The following NUAK1 variants were observed in gnomAD, a reference collection of about 807,000 sequenced individuals.
NUAK1 encodes the protein NUAK family SNF1-like kinase 1.
Under a neutral mutation model 56.9 loss-of-function variants are expected in NUAK1, and 26 were observed. The ratio of observed to expected loss-of-function variants is 0.46; its 90% CI spans 0.33 to 0.63. The LOEUF (loss-of-function observed/expected upper bound fraction) is 0.63. NUAK1 is among the 30% of genes least tolerant of loss of function. NUAK1 has a pLI of 0.02. For synonymous variants in NUAK1, 337 were observed against 336.0 expected, an observed-to-expected ratio of 1.00 and a Z score of -0.03; for missense variants, 727 against 876.1, an observed-to-expected ratio of 0.83 and a Z score of 2.15.
intron 4 of NUAK1, 57 bp from the exon 5 acceptor site, chr12:106,072,900 T>C (rs1323244484): frequency 3.1e-6 from 5 of 1,603,492 alleles, no homozygotes; most frequent in Non-Finnish European, 4.3e-6. Flanking sequence ...TATGTCTGTG[T>C]TGGATCAGTT....
chr12:106,070,378 G>A (rs1395075882), intron 6 of NUAK1, among the ~76,000 whole-genome samples: 1 of 152,254 alleles, frequency 6.6e-6, no homozygotes, highest in Non-Finnish European at 1.5e-5. Flanking sequence ...TGGCACAGTA[G>A]TGAGAGACAG....
At chr12:106,093,243 C>T (rs1022087567) in intron 2 of NUAK1, among the ~76,000 whole-genome samples, 1 of 152,242 alleles carries the variant, frequency 6.6e-6, no homozygotes, top group Non-Finnish European at 1.5e-5. Context: ...ATTGTTTCAA[C>T]ATATCCTAAA....
chr12:106,083,966 C>A (rs755603543), intron 3 of NUAK1, 37 bp from the exon 4 acceptor site: 22 of 1,559,476 alleles, frequency 1.4e-5, no homozygotes, highest in Non-Finnish European at 1.7e-5. Flanking sequence ...TGAATGGGAG[C>A]GGCTGGGATG....
chr12:106,104,363 GC>G (rs1373031842), intron 2 of NUAK1: 1 of 152,348 alleles, frequency 6.6e-6, no homozygotes, highest in Non-Finnish European at 1.5e-5. Context: ...ATCATGTCCA[GC>G]CTGTATTGCT....
At chr12:106,109,303 C>T (rs1296740906) in intron 1 of NUAK1, among the ~76,000 whole-genome samples, 3 of 152,216 alleles carry the variant, frequency 2.0e-5, no homozygotes, top group African/African-American at 7.2e-5. Flanking sequence ...GTGCTGAATG[C>T]TTTACATGCC....
chr12:106,076,222 G>C (rs2032463709), intron 4 of NUAK1, among the ~76,000 whole-genome samples: 1 of 152,218 alleles, frequency 6.6e-6, no homozygotes, highest in Non-Finnish European at 1.5e-5. Context: ...CGCTCTAAAA[G>C]TGAAGCAGCT....
intron 1 of NUAK1, among the ~76,000 whole-genome samples, chr12:106,108,654 C>T (rs2032829105): frequency 6.6e-6 from 1 of 152,178 alleles, no homozygotes; most frequent in African/African-American, 2.4e-5. Context: ...CTCCTACATT[C>T]CTCCATAAAC....
chr12:106,090,132 T>C (rs1032740568), intron 2 of NUAK1, among the ~76,000 whole-genome samples: 6 of 152,220 alleles, frequency 3.9e-5, no homozygotes, highest in African/African-American at 1.2e-4. Context: ...TGGGAAACAC[T>C]GGATGAATGA....
intron 2 of NUAK1, among the ~76,000 whole-genome samples, chr12:106,098,624 A>G (rs1477422369): frequency 6.6e-6 from 1 of 152,206 alleles, no homozygotes; most frequent in Non-Finnish European, 1.5e-5. Context: ...AGATTTCCAG[A>G]AACCAAAACC....
At chr12:106,087,040 G>A (rs545194261) in intron 2 of NUAK1, 155 bp from the exon 3 acceptor site, 35 of 882,248 alleles carry the variant, frequency 4.0e-5, no homozygotes, top group South Asian at 5.5e-5. Flanking sequence ...ATCACGAGGC[G>A]TGGGGCGTGC....
intron 2 of NUAK1, chr12:106,105,796 G>A (rs1183145666): frequency 6.6e-6 from 1 of 152,114 alleles, no homozygotes. Context: ...TAGTCTGTGG[G>A]CGGTTTATTC....
intron 2 of NUAK1, among the ~76,000 whole-genome samples, chr12:106,087,408 C>A (rs2032584869): frequency 6.6e-6 from 1 of 152,192 alleles, no homozygotes; most frequent in African/African-American, 2.4e-5. Flanking sequence ...GGGCCCCTCT[C>A]AGCCCTACTA....
intron 2 of NUAK1, among the ~76,000 whole-genome samples, chr12:106,092,701 T>G (rs958422): frequency 0.46 from 69,384 of 151,948 alleles, 15,773 homozygotes; most frequent in African/African-American, 0.52. Flanking sequence ...AGGGTTGTTA[T>G]GAATAGTATT....
intron 6 of NUAK1, among the ~76,000 whole-genome samples, chr12:106,070,039 C>T (rs2032388850): frequency 6.6e-6 from 1 of 152,146 alleles, no homozygotes; most frequent in Non-Finnish European, 1.5e-5. Flanking sequence ...CAGAGCGAGA[C>T]ACTCTCTCAA....
chr12:106,112,305 C>T (rs1428153812), intron 1 of NUAK1, among the ~76,000 whole-genome samples: 2 of 151,842 alleles, frequency 1.3e-5, no homozygotes, highest in Non-Finnish European at 2.9e-5. Flanking sequence ...CTCAGGGGAT[C>T]TCTCCTTACC....
rs1038340199 is a variant in NUAK1 at position 106,067,454 on chromosome 12, G to A, written c.1334C>T (p.Ser445Leu). Residue 445 changes from serine (S) to leucine (L), a missense_variant, in exon 7 of 7, where the codon TCA becomes TTA. Ser to Leu is a moderately radical substitution (Grantham distance 145). Coordinates refer to ENST00000261402, the MANE Select transcript of NUAK1 (RefSeq NM_014840.3). This position sits in a 1 kb window ranked among gnomAD's most constrained non-coding sequence, Gnocchi z 6.0. Reference protein sequence around the residue: ...LCRTGVLLPSSPEAEVPGKLS... With the variant: ...LCRTGVLLPSLPEAEVPGKLS... The stretch of plus-strand genomic sequence containing the variant: ...TTTTCCCGGCACCTCTGCCTCTGGT[G>A]AGCTTGGGAGGAGCACGCCAGTCCT... 5 of 1,614,080 alleles carry A rather than the reference G, an allele frequency of 3.1e-6. No individual in the cohort carries two copies. The highest frequency in any genetic ancestry group is 1.7e-6 in the Non-Finnish European group (2 of 1,180,054).
intron 2 of NUAK1, among the ~76,000 whole-genome samples, chr12:106,100,825 G>A (rs2032740107): frequency 6.6e-6 from 1 of 152,178 alleles, no homozygotes; most frequent in Non-Finnish European, 1.5e-5. Flanking sequence ...TTTTGTTGAT[G>A]TTGTTGTTGT....
At position 106,070,910 on chromosome 12, in the gene NUAK1, G is replaced by A. The variant is rs775324246; in HGVS notation, c.700-4C>T. The A allele has an allele frequency of 9.9e-6, 16 of 1,613,934 alleles. No homozygotes were observed. The highest frequency in any genetic ancestry group is 8.8e-5 in the South Asian group (8 of 91,074). On this transcript the variant is annotated splice_polypyrimidine_tract_variant and splice_region_variant and intron_variant, in intron 5 of 6. Coordinates refer to ENST00000261402, the MANE Select transcript of NUAK1 (RefSeq NM_014840.3). ...CACCCAGGGCCCAGCTGTCCACCTG[G>A]AGCAGAGAGACAGCACATATAGGAG...
At chr12:106,086,970 G>A (rs2032578488) in intron 2 of NUAK1, 85 bp from the exon 3 acceptor site, 12 of 1,515,640 alleles carry the variant, frequency 7.9e-6, no homozygotes, top group East Asian at 2.3e-5. Flanking sequence ...AGAGGACAAC[G>A]GAGATGTCGC....
Sources: gnomAD v4.1 joint callset for allele counts (sites outside exome capture counted in the v4.1 genomes callset) on GRCh38, gnomAD v4.1.1 for gene constraint, Gnocchi (gnomAD v3.1) non-coding constraint, MANE v1.5 for transcripts, NCBI Gene and HGNC (gene_info 2026-07-23, HGNC 2026-07-21) for gene names.